The following PKM variants were observed in gnomAD, a reference collection of about 807,000 sequenced individuals.
PKM encodes the protein pyruvate kinase M1/2.
A neutral mutation model predicts 49.8 loss-of-function variants in PKM; 18 were observed. The ratio of observed to expected loss-of-function variants is 0.36; its 90% CI spans 0.25 to 0.54. The LOEUF (loss-of-function observed/expected upper bound fraction) is 0.54, where lower values mean the gene tolerates loss of function less well. PKM is among the 20% of genes least tolerant of loss of function. PKM has a pLI of 0.89. For synonymous variants in PKM, 239 were observed against 261.8 expected (o/e 0.91, Z 0.84); for missense variants, 508 against 713.8 (o/e 0.71, Z 3.28).
At chr15:72,229,943 A>ATT (rs1476396797) in intron 1 of PKM, among the ~76,000 whole-genome samples, 5 of 151,688 alleles carry the variant, frequency 3.3e-5, no homozygotes, top group Non-Finnish European at 5.9e-5. Flanking sequence ...AAAAGAAAGG[A>ATT]AAAGAAAGAA....
chr15:72,200,459 G>A lies in PKM; in HGVS notation c.1489+15C>T, dbSNP rs374642288. On this transcript the variant is annotated intron_variant, in intron 10 of 10. Coordinates refer to ENST00000335181, the MANE Select transcript of PKM (RefSeq NM_002654.6). The surrounding 1 kb of genome is among the most constrained non-coding windows in gnomAD (Gnocchi z 4.6). ...CAAGCTCCTCTAGGCTCTAGCCCCTGCTCCAGCCACGTACCAACATTCATG... is the reference window on the plus strand; with the variant it reads ...CAAGCTCCTCTAGGCTCTAGCCCCTACTCCAGCCACGTACCAACATTCATG... The A allele has an allele frequency of 5.0e-6, 8 of 1,611,672 alleles. No homozygotes were observed. Among genetic ancestry groups the A allele is most frequent in the South Asian group, 1.1e-5 (1 of 90,998 alleles).
intron 3 of PKM, among the ~76,000 whole-genome samples, chr15:72,212,982 A>C (rs910402217): frequency 6.6e-6 from 1 of 151,980 alleles, no homozygotes. Flanking sequence ...GGCTGAGGCA[A>C]GAGAATGGTG....
At chr15:72,207,996 T>C (rs1042861578) in intron 6 of PKM, among the ~76,000 whole-genome samples, 2 of 152,218 alleles carry the variant, frequency 1.3e-5, no homozygotes, top group African/African-American at 4.8e-5. Context: ...ATGGTGGCCA[T>C]GCCCACTGGG....
intron 1 of PKM, chr15:72,219,552 C>CTCTG (rs1348483738): frequency 6.4e-6 from 1 of 157,248 alleles, no homozygotes; most frequent in African/African-American, 2.4e-5. Flanking sequence ...AAGCCTAGAT[C>CTCTG]TCTGCATGTC....
In PKM at chr15:72,217,414, G is replaced by A. The variant is rs1342416866; in HGVS notation, c.241C>T (p.His81Tyr). The A allele has an allele frequency of 1.3e-6, 2 of 1,599,558 alleles. No homozygotes were observed. The highest frequency in any genetic ancestry group is 2.7e-5 in the African/African-American group (2 of 74,604). The change falls in exon 3 of 11, where the codon CAT becomes TAT. Residue 81 changes from histidine (H) to tyrosine (Y), a missense_variant. His to Tyr is a moderately conservative substitution (Grantham distance 83). Transcript: ENST00000335181. ...AGGGTCCAGCCACAGCTCACCTCAT[G>A]AGTTCCATGAGAGAAGTTCAGACGA... ...VARLNFSHGT[H>Y]EYHAETIKNV...
Position 72,199,544 on chromosome 15 carries a change from A to G in PKM, c.*106T>C, listed in dbSNP as rs776262901. On this transcript the variant is annotated 3_prime_UTR_variant, in exon 11 of 11. Coordinates refer to ENST00000335181, the MANE Select transcript of PKM (RefSeq NM_002654.6). ...TTCTTCCCTGGTGTCCCAACCTACC[A>G]GTGCCACGTTACAGCCCAGAGTGAG... 1 of 787,766 alleles carries G rather than the reference A, an allele frequency of 1.3e-6. No individual in the cohort carries two copies. Among genetic ancestry groups the G allele is most frequent in the East Asian group, 2.6e-5 (1 of 38,642 alleles). 48.8% of individuals were successfully genotyped at this position (787,766 alleles called of 1,614,324 possible).
chr15:72,209,558 AAC>A (rs2082189540), intron 5 of PKM, 113 bp downstream of exon 5: 1 of 847,988 alleles, frequency 1.2e-6, no homozygotes, highest in Non-Finnish European at 2.0e-6. Context: ...GATTCCTGAG[AAC>A]ACACAGACTC....
At position 72,216,512 on chromosome 15, in the gene PKM, A is replaced by G. The variant is rs1190391328; in HGVS notation, c.246+897T>C. Among the ~76,000 whole-genome samples, 4 of 152,268 alleles carry G rather than the reference A, an allele frequency of 2.6e-5. No individual in the cohort carries two copies. The East Asian group carries it at 7.7e-4, about 29-fold the overall frequency. On this transcript the variant is annotated intron_variant, in intron 3 of 10. Transcript: ENST00000335181. ...GTGGTGCATGCCTGTATTCCCAGCT[A>G]CTCGGGAGGCTGAGGCAAGAGGATC...
chr15:72,213,619 C>A (rs1325847025), intron 3 of PKM, among the ~76,000 whole-genome samples: 1 of 152,168 alleles, frequency 6.6e-6, no homozygotes, highest in East Asian at 1.9e-4. Flanking sequence ...TTAGTAGAGA[C>A]AGGGTTTCAC....
rs569512924 is a variant in PKM at position 72,213,289 on chromosome 15, T to C, written c.247-2811A>G. Among the ~76,000 whole-genome samples, 311 of 152,314 alleles carry C rather than the reference T, an allele frequency of 2.0e-3. 1 individual carries two copies. The highest frequency in any genetic ancestry group is 3.9e-3 in the Non-Finnish European group (262 of 68,018). Reference sequence around the variant, plus strand: ...CTGCCTGGTTTTGGTACTGTCCTTGTTTGATCTCAGTATCAGCGTATATTG... The same window carrying C: ...CTGCCTGGTTTTGGTACTGTCCTTGCTTGATCTCAGTATCAGCGTATATTG... On this transcript the variant is annotated intron_variant, in intron 3 of 10. Coordinates refer to ENST00000335181, the MANE Select transcript of PKM (RefSeq NM_002654.6).
chr15:72,214,225 C>T lies in PKM; in HGVS notation c.246+3184G>A, dbSNP rs947543054. Reference sequence around the variant, plus strand: ...TCTGTATAATTTCTACTTTATGAAACGTGGGGGTTTTTTTGGTGGCCTAAT... The same window carrying T: ...TCTGTATAATTTCTACTTTATGAAATGTGGGGGTTTTTTTGGTGGCCTAAT... On this transcript the variant is annotated intron_variant, in intron 3 of 10. Coordinates refer to ENST00000335181, the MANE Select transcript of PKM (RefSeq NM_002654.6). 5.9e-5 allele frequency among the ~76,000 whole-genome samples: 9 copies of T among 152,198 alleles called. 1 individual carries two copies. In the South Asian group the frequency reaches 8.3e-4, roughly 14 times the overall value.
At position 72,209,668 on chromosome 15, in the gene PKM, C is replaced by A. The variant is rs533408759; in HGVS notation, c.565+5G>T. The A allele has an allele frequency of 5.6e-6, 9 of 1,612,132 alleles. No homozygotes were observed. The Admixed American group carries it at 6.7e-5, about 12-fold the overall frequency. ...AGACAACTGGACTCCAGCTCCCATA[C>A]GTACCTTTCTGCTTCACCTGGAGAG... On this transcript the variant is annotated splice_donor_5th_base_variant and intron_variant, in intron 5 of 10. Transcript: ENST00000335181.
chr15:72,221,565 G>GAAA (rs35563486), intron 1 of PKM, among the ~76,000 whole-genome samples: 18 of 145,782 alleles, frequency 1.2e-4, no homozygotes, highest in East Asian at 3.9e-4. Flanking sequence ...TAGGATTACA[G>GAAA]AAAAAAAAAA....
At chr15:72,223,935 T>A (rs56001612) in intron 1 of PKM, among the ~76,000 whole-genome samples, 108 of 84,980 alleles carry the variant, frequency 1.3e-3, no homozygotes, top group Middle Eastern at 0.011. Flanking sequence ...AAAAAAAAAA[T>A]CTTGGCTCTT....
rs1039610407 is a variant in PKM, at chr15:72,209,723, C to T, written c.515G>A (p.Ser172Asn). The T allele has an allele frequency of 7.4e-6, 12 of 1,613,914 alleles. No individual in the cohort carries two copies. In the Admixed American group the frequency reaches 1.3e-4, roughly 18 times the overall value. ...AAGCCCATCATCCACGTAGATCTTGCTGCCCACTTCCACCACCTTGCAGAT... is the reference window on the plus strand; with the variant it reads ...AAGCCCATCATCCACGTAGATCTTGTTGCCCACTTCCACCACCTTGCAGAT... ...KNICKVVEVG[S>N]KIYVDDGLIS... Residue 172 changes from serine to asparagine, a missense_variant, in exon 5 of 11, where the codon AGC (serine) becomes AAC (asparagine). Coordinates refer to ENST00000335181, the MANE Select transcript of PKM (RefSeq NM_002654.6).
chr15:72,221,121 G>A (rs1185823716), intron 1 of PKM: 1 of 1,062,680 alleles, frequency 9.4e-7, no homozygotes, highest in Non-Finnish European at 1.4e-6. Flanking sequence ...AGATATGAGG[G>A]TCTTCCTGTA....
At chr15:72,229,605 C>T in intron 1 of PKM, 1 of 1,281,416 alleles carries the variant, frequency 7.8e-7, no homozygotes, top group South Asian at 1.2e-5. Flanking sequence ...TCTTCTAATC[C>T]AGTGTGCTTG....
At position 72,199,659 on chromosome 15, in the gene PKM, AG is replaced by A. The variant is rs759571303; in HGVS notation, c.1586del (p.Pro529LeufsTer24). ...GGGGCTCTGGGGTCCATCACGGCAC[AG>A]GAACAACACGCATGGTGTTGGTGAA... ...SGFTNTMRVVPVP is the reference protein window; with the variant it reads ...SGFTNTMRVVXVP On this transcript the variant is annotated frameshift_variant, in exon 11 of 11. Coordinates refer to ENST00000335181, the MANE Select transcript of PKM (RefSeq NM_002654.6). LOFTEE classifies it high-confidence loss of function. The A allele has an allele frequency of 1.9e-6, 3 of 1,611,922 alleles. No homozygotes were observed. The highest frequency in any genetic ancestry group is 2.2e-5 in the East Asian group (1 of 44,870).
chr15:72,214,964 C>T (rs1273403509), intron 3 of PKM, among the ~76,000 whole-genome samples: 3 of 151,642 alleles, frequency 2.0e-5, no homozygotes, highest in African/African-American at 7.3e-5. Context: ...TTTAGGAGGC[C>T]GAGGCAGTCG....
Sources: allele counts gnomAD v4.1 joint callset (sites outside exome capture counted in the v4.1 genomes callset), GRCh38; gene constraint gnomAD v4.1.1; non-coding constraint Gnocchi (gnomAD v3.1); transcripts MANE v1.5; gene names NCBI Gene and HGNC (gene_info 2026-07-23, HGNC 2026-07-21).